The following STRIP2 variants were observed in gnomAD, a reference collection of about 807,000 sequenced individuals.
STRIP2 encodes the protein striatin-interacting protein 2.
In STRIP2, 84 loss-of-function variants were observed where a neutral mutation model predicts 107.1. That is an observed-to-expected ratio of 0.78 (90% CI 0.66 to 0.94). The LOEUF (loss-of-function observed/expected upper bound fraction) is 0.94, where lower values mean the gene tolerates loss of function less well. Among genes scored for constraint, STRIP2 ranks in the 40% least tolerant of loss-of-function variants. The pLI is 0.00. For missense variants in STRIP2, 888 were observed against 1,034.2 expected, an observed-to-expected ratio of 0.86 and a Z score of 1.94; for synonymous variants, 394 against 400.4, an observed-to-expected ratio of 0.98 and a Z score of 0.19.
At chr7:129,463,956 T>A in intron 14 of STRIP2, 88 bp from the exon 15 acceptor site, 1 of 1,024,538 alleles carries the variant, frequency 9.8e-7, no homozygotes, top group Non-Finnish European at 1.5e-6. Context: ...TTTAAAACAC[T>A]TTTTATAGGG....
chr7:129,477,040 C>T (rs931087148), intron 18 of STRIP2, among the ~76,000 whole-genome samples: 37 of 151,676 alleles, frequency 2.4e-4, no homozygotes, highest in African/African-American at 8.0e-4. Context: ...TCAGGCGTGG[C>T]GGCGCGCGCC....
chr7:129,462,108 T>C (rs1334309316), intron 13 of STRIP2, among the ~76,000 whole-genome samples: 11 of 152,164 alleles, frequency 7.2e-5, no homozygotes, highest in Admixed American at 5.9e-4. Flanking sequence ...AGCAACTGTT[T>C]AGGGATGGTG....
chr7:129,453,427 A>G, intron 5 of STRIP2, 80 bp downstream of exon 5: 1 of 1,560,154 alleles, frequency 6.4e-7, no homozygotes, highest in Non-Finnish European at 8.7e-7. Flanking sequence ...TGCTTCCCTC[A>G]CTATAGAGAC....
rs556833543 is a variant in STRIP2 at position 129,486,142 on chromosome 7, G to A, written c.*313G>A. On this transcript the variant is annotated 3_prime_UTR_variant, in exon 21 of 21. Transcript: ENST00000249344. ...TTGCTGGCTCTAAAAGAGGAAATTT[G>A]TTATGGCATTTGACCCATGGCATTC... 3.5e-6 allele frequency: 1 copy of A among 283,560 alleles called. No individual in the cohort carries two copies. Among genetic ancestry groups the A allele is most frequent in the East Asian group, 7.1e-5 (1 of 14,102 alleles). 17.6% of individuals were successfully genotyped at this position (283,560 alleles called of 1,614,324 possible). A position where few individuals can be genotyped will look rare whatever the true frequency, so the allele number is the denominator to read the frequency against.
chr7:129,459,699 T>G, intron 12 of STRIP2, 119 bp downstream of exon 12: 1 of 785,922 alleles, frequency 1.3e-6, no homozygotes. Context: ...CCTTCTGCAT[T>G]CCTCCTGCAG....
chr7:129,445,816 A>T (rs1798019082), intron 3 of STRIP2, among the ~76,000 whole-genome samples: 1 of 152,194 alleles, frequency 6.6e-6, no homozygotes, highest in Non-Finnish European at 1.5e-5. Context: ...GTGGAATACC[A>T]TGACGGTGGA....
rs1201940942 is a variant in STRIP2, at chr7:129,487,828, G to T, written c.*1999G>T. 1 of 152,134 alleles carries T rather than the reference G, an allele frequency of 6.6e-6. No individual in the cohort carries two copies. Among genetic ancestry groups the T allele is most frequent in the Non-Finnish European group, 1.5e-5 (1 of 68,010 alleles). The allele number at this position is 152,134 out of a possible 1,614,324, so 9.4% of individuals were successfully genotyped here. On this transcript the variant is annotated 3_prime_UTR_variant, in exon 21 of 21. Coordinates refer to ENST00000249344, the MANE Select transcript of STRIP2 (RefSeq NM_020704.3). ...GTATTCAATTTATGTCAAGAACAAAGAAATTGCCCTTTTAAAAGCATGTAC... is the reference window on the plus strand; with the variant it reads ...GTATTCAATTTATGTCAAGAACAAATAAATTGCCCTTTTAAAAGCATGTAC...
intron 1 of STRIP2, among the ~76,000 whole-genome samples, chr7:129,437,574 T>G (rs1415633627): frequency 6.6e-6 from 1 of 152,162 alleles, no homozygotes; most frequent in African/African-American, 2.4e-5. Context: ...AGGTATCATT[T>G]TTCCAAAAAG....
chr7:129,477,997 G>T (rs34440172), intron 18 of STRIP2: 107,566 of 492,276 alleles, frequency 0.22, 13,862 homozygotes, highest in Non-Finnish European at 0.28. Context: ...TGAATCTTGT[G>T]ATAGATAAGT....
At chr7:129,463,109 A>G (rs1798585733) in intron 14 of STRIP2, 69 bp downstream of exon 14, 3 of 1,311,820 alleles carry the variant, frequency 2.3e-6, no homozygotes, top group South Asian at 2.5e-5. Context: ...AACCATTTCA[A>G]GTGGACCTGT....
rs770670904 is a variant in STRIP2 at position 129,483,476 on chromosome 7, A to G, written c.2254+430A>G. The G allele has an allele frequency of 1.6e-5, 5 of 311,798 alleles. No individual in the cohort carries two copies. The highest frequency in any genetic ancestry group is 6.8e-5 in the African/African-American group (3 of 44,324). The allele number at this position is 311,798 out of a possible 1,614,324, so 19.3% of individuals were successfully genotyped here. A position where few individuals can be genotyped will look rare whatever the true frequency, so the allele number is the denominator to read the frequency against. On this transcript the variant is annotated intron_variant, in intron 20 of 20. Transcript: ENST00000249344. The surrounding 1 kb of genome is among the most constrained non-coding windows in gnomAD (Gnocchi z 5.1). Reference sequence around the variant, plus strand: ...ATTGCCACCATTAACATCTTATTGTATATTCCTCCAGATCTTTTTCTATGC... The same window carrying G: ...ATTGCCACCATTAACATCTTATTGTGTATTCCTCCAGATCTTTTTCTATGC...
chr7:129,463,773 A>G (rs937212687), intron 14 of STRIP2, among the ~76,000 whole-genome samples: 13 of 152,120 alleles, frequency 8.5e-5, no homozygotes, highest in African/African-American at 2.9e-4. Context: ...GGGATTACAG[A>G]CATCAGCCAC....
At chr7:129,460,223 T>G in intron 12 of STRIP2, 78 bp from the exon 13 acceptor site, 5 of 1,312,034 alleles carry the variant, frequency 3.8e-6, no homozygotes, top group Non-Finnish European at 3.2e-6. Flanking sequence ...TCCTTGCTTT[T>G]GGGGAATTTA....
intron 1 of STRIP2, among the ~76,000 whole-genome samples, chr7:129,436,081 G>A (rs1797730575): frequency 6.6e-6 from 1 of 151,920 alleles, no homozygotes; most frequent in South Asian, 2.1e-4. Context: ...GGTCTTTTAG[G>A]GCACCCTGTA....
At position 129,483,290 on chromosome 7, in the gene STRIP2, AT is replaced by A; in HGVS notation, c.2254+246del. 8.1e-7 allele frequency: 1 copy of A among 1,228,570 alleles called. No individual in the cohort carries two copies. The highest frequency in any genetic ancestry group is 1.5e-5 in the African/African-American group (1 of 65,108). The allele number at this position is 1,228,570 out of a possible 1,614,324, so 76.1% of individuals were successfully genotyped here. A position where few individuals can be genotyped will look rare whatever the true frequency, so the allele number is the denominator to read the frequency against. On this transcript the variant is annotated intron_variant, in intron 20 of 20. Transcript: ENST00000249344. This position sits in a 1 kb window ranked among gnomAD's most constrained non-coding sequence, Gnocchi z 5.1. ...AAACAAGTAAATTGAGAGATAATTA[AT>A]TGCCTTTCCAAAACATTCTTTTAAA...
At chr7:129,463,289 C>T (rs1798590530) in intron 14 of STRIP2, among the ~76,000 whole-genome samples, 1 of 152,188 alleles carries the variant, frequency 6.6e-6, no homozygotes, top group South Asian at 2.1e-4. Flanking sequence ...ACTGGGGACC[C>T]TCCTCCGAGA....
intron 18 of STRIP2, among the ~76,000 whole-genome samples, chr7:129,473,042 C>T (rs1012730946): frequency 7.2e-5 from 11 of 151,956 alleles, no homozygotes; most frequent in Non-Finnish European, 1.6e-4. Context: ...CTGCCTCAGC[C>T]TCCCAAAGTG....
chr7:129,463,558 C>T lies in STRIP2; in HGVS notation c.1552-486C>T, dbSNP rs578205438. Among the ~76,000 whole-genome samples, 311 of 151,886 alleles carry T rather than the reference C, an allele frequency of 2.0e-3. 1 individual carries two copies. Among genetic ancestry groups the T allele is most frequent in the Non-Finnish European group, 3.5e-3 (238 of 67,978 alleles). On this transcript the variant is annotated intron_variant, in intron 14 of 20. Transcript: ENST00000249344. ...TCGCCCAGGCTGGAGTGCAGTGGCA[C>T]GATCTTGGCCCACTGCAACCTCCAC...
rs75629204 is a variant in STRIP2 at position 129,438,478 on chromosome 7, A to G, written c.130-1544A>G. Among the ~76,000 whole-genome samples the G allele has an allele frequency of 2.3e-3, 345 of 152,282 alleles. 2 individuals are homozygous for G. The highest frequency in any genetic ancestry group is 3.8e-3 in the Non-Finnish European group (257 of 68,014). On this transcript the variant is annotated intron_variant, in intron 1 of 20. Coordinates refer to ENST00000249344, the MANE Select transcript of STRIP2 (RefSeq NM_020704.3). ...AAGTGCTAGGCCGTGTGCCTTTCCT[A>G]TATTAACTCATTTAGTCCTTAAAAT...
Sources: allele counts gnomAD v4.1 joint callset (sites outside exome capture counted in the v4.1 genomes callset), GRCh38; gene constraint gnomAD v4.1.1; non-coding constraint Gnocchi (gnomAD v3.1); transcripts MANE v1.5; gene names NCBI Gene and HGNC (gene_info 2026-07-23, HGNC 2026-07-21).